DCHS2: variants seen among roughly 807,000 people sequenced by gnomAD.
DCHS2 encodes protocadherin-23.
DCHS2 carries 142 observed loss-of-function variants against 182.4 expected under a neutral mutation model. That is an observed-to-expected ratio of 0.78 (90% CI 0.68 to 0.89). The LOEUF is 0.89. DCHS2 is among the 40% of genes least tolerant of loss of function. The probability of loss-of-function intolerance (pLI) is 0.00; values close to 1 mark genes in which losing one functional copy is unlikely to be tolerated. For synonymous variants in DCHS2, 1,740 were observed against 1,663.3 expected (o/e 1.05, Z -1.12); for missense variants, 4,319 against 4,198.6 (o/e 1.03, Z -0.79).
chr4:154,472,906 A>G (rs1735533235), intron 1 of DCHS2, among the ~76,000 whole-genome samples: 1 of 152,176 alleles, frequency 6.6e-6, no homozygotes, highest in African/African-American at 2.4e-5. Context: ...AAATTTGAAA[A>G]TCATTCAACA....
chr4:154,412,624 A>C (rs529486396), intron 1 of DCHS2, among the ~76,000 whole-genome samples: 3 of 152,182 alleles, frequency 2.0e-5, no homozygotes, highest in Non-Finnish European at 4.4e-5. Context: ...AGCACTTTTG[A>C]AACAATCAAA....
In DCHS2 at chr4:154,298,262, G is replaced by A. The variant is rs200884644; in HGVS notation, c.6052C>T (p.Arg2018Ter). The change falls in exon 13 of 20, where the codon CGA becomes TGA. Residue 2018 changes from arginine (R) to a stop codon, truncating the protein, a stop_gained. Transcript: ENST00000357232. LOFTEE classifies it high-confidence loss of function. ...VARDCSIQGS[R>*]STTVIIKVYV... Reference sequence around the variant, plus strand: ...ACTTTTATAATTACAGTGGTGCTTCGTGAACCCTGGATGCTACAGTCTCTG... The same window carrying A: ...ACTTTTATAATTACAGTGGTGCTTCATGAACCCTGGATGCTACAGTCTCTG... 1.9e-5 allele frequency: 30 copies of A among 1,613,974 alleles called. No individual in the cohort carries two copies. The highest frequency in any genetic ancestry group is 2.7e-5 in the African/African-American group (2 of 74,892).
chr4:154,379,282 G>A (rs1731063013), intron 1 of DCHS2, among the ~76,000 whole-genome samples: 3 of 152,192 alleles, frequency 2.0e-5, no homozygotes, highest in South Asian at 4.1e-4. Context: ...AGGCATTCTG[G>A]CTTTTAACTT....
Position 154,233,540 on chromosome 4 carries a change from T to G in DCHS2, c.*996A>C, listed in dbSNP as rs907380631. 2 of 152,228 alleles carry G rather than the reference T, an allele frequency of 1.3e-5. No individual in the cohort carries two copies. The highest frequency in any genetic ancestry group is 4.8e-5 in the African/African-American group (2 of 41,462). 9.4% of individuals were successfully genotyped at this position (152,228 alleles called of 1,614,324 possible). On this transcript the variant is annotated 3_prime_UTR_variant, in exon 20 of 20. Transcript: ENST00000357232. ...TTGCTAAATTACTCTATGAGATTTATCATTAGCTAATGACATGATTTTTAT... is the reference window on the plus strand; with the variant it reads ...TTGCTAAATTACTCTATGAGATTTAGCATTAGCTAATGACATGATTTTTAT...
chr4:154,322,997 T>C lies in DCHS2; in HGVS notation c.4019-509A>G, dbSNP rs1478567186. ...ACCATCCCATAAATACTCTTTATTT[T>C]TCTTGTTTACATTAAGATCAAAATA... On this transcript the variant is annotated intron_variant, in intron 7 of 19. Transcript: ENST00000357232. 7 of 502,142 alleles carry C rather than the reference T, an allele frequency of 1.4e-5. No homozygotes were observed. The South Asian group carries it at 2.5e-4, about 18-fold the overall frequency. 31.1% of individuals were successfully genotyped at this position (502,142 alleles called of 1,614,324 possible). A position where few individuals can be genotyped will look rare whatever the true frequency, so the allele number is the denominator to read the frequency against.
chr4:154,284,414 G>A (rs1278841489), intron 13 of DCHS2: 2 of 152,186 alleles, frequency 1.3e-5, no homozygotes, highest in Non-Finnish European at 2.9e-5. Flanking sequence ...CACAAAAAAG[G>A]ACCTTCATAA....
chr4:154,445,046 T>A (rs1020499453), intron 1 of DCHS2, among the ~76,000 whole-genome samples: 1 of 152,230 alleles, frequency 6.6e-6, no homozygotes, highest in Non-Finnish European at 1.5e-5. Context: ...CAGGCCTTCC[T>A]GACCACCTTA....
rs1728813819 is a variant in DCHS2, at chr4:154,491,051, A to G, written c.305T>C (p.Phe102Ser). ...GGAGTCATCGGAGTCCTCCGACAGA[A>G]AGAAGCCGCTCCCCTCCTGCTGCTG... ...AAQQQEGSGF[F>S]LSEDSDDSPL... The change falls in exon 1 of 20, where the codon TTT becomes TCT. Residue 102 changes from phenylalanine (F) to serine (S), a missense_variant. Phe to Ser is a radical substitution (Grantham distance 155, BLOSUM62 -2). Transcript: ENST00000357232. 6.4e-7 allele frequency: 1 copy of G among 1,550,988 alleles called. No homozygotes were observed. Among genetic ancestry groups the G allele is most frequent in the Non-Finnish European group, 8.7e-7 (1 of 1,146,884 alleles).
intron 3 of DCHS2, among the ~76,000 whole-genome samples, chr4:154,342,429 G>A (rs1285600564): frequency 6.6e-6 from 1 of 152,156 alleles, no homozygotes; most frequent in African/African-American, 2.4e-5. Context: ...TCTGTAGCAT[G>A]CAATGCTATT....
Position 154,240,822 on chromosome 4 carries a change from A to G in DCHS2, c.7074T>C (p.Asp2358=). 1 of 1,613,348 alleles carries G rather than the reference A, an allele frequency of 6.2e-7. No individual in the cohort carries two copies. Reference sequence around the variant, plus strand: ...GAGTCACAATTACACCAGGCAAAGAATCTGAAATAGTCATGACCAGTGTCA... The same window carrying G: ...GAGTCACAATTACACCAGGCAAAGAGTCTGAAATAGTCATGACCAGTGTCA... The part of the protein sequence containing the change: ...LPSEAVEITE[D]SLPGVIVTHV... The change falls in exon 18 of 20, where the codon GAT becomes GAC. Residue 2358 remains aspartate (D), a splice_region_variant and synonymous_variant. Coordinates refer to ENST00000357232, the MANE Select transcript of DCHS2 (RefSeq NM_001358235.2).
chr4:154,249,656 C>A lies in DCHS2; in HGVS notation c.6941+5863G>T, dbSNP rs187170394. On this transcript the variant is annotated intron_variant, in intron 16 of 19. Transcript: ENST00000357232. Reference sequence around the variant, plus strand: ...CACGCTATTCACAATAGCAAAAAGGCAACCTAGGTGCCTGTTAATGGTGGA... The same window carrying A: ...CACGCTATTCACAATAGCAAAAAGGAAACCTAGGTGCCTGTTAATGGTGGA... Among the ~76,000 whole-genome samples the A allele has an allele frequency of 1.6e-3, 245 of 152,178 alleles. 2 individuals carry two copies. Among genetic ancestry groups the A allele is most frequent in the African/African-American group, 5.5e-3 (228 of 41,524 alleles).
intron 1 of DCHS2, among the ~76,000 whole-genome samples, chr4:154,403,071 T>C (rs534413514): frequency 6.6e-6 from 1 of 152,218 alleles, no homozygotes; most frequent in Non-Finnish European, 1.5e-5. Context: ...TTATTATAGA[T>C]TACTTAGGCT....
intron 10 of DCHS2, among the ~76,000 whole-genome samples, chr4:154,313,145 T>C (rs1357212162): frequency 6.6e-6 from 1 of 152,208 alleles, no homozygotes; most frequent in African/African-American, 2.4e-5. Flanking sequence ...TTTGACACCT[T>C]TGAGCGAATG....
At chr4:154,270,066 A>G in intron 13 of DCHS2, 53 bp from the exon 14 acceptor site, 1 of 1,548,254 alleles carries the variant, frequency 6.5e-7, no homozygotes, top group South Asian at 1.2e-5. Flanking sequence ...AATTTCATGG[A>G]AACACAAGAG....
intron 8 of DCHS2, among the ~76,000 whole-genome samples, chr4:154,321,837 AT>A (rs914439705): frequency 2.0e-5 from 3 of 152,068 alleles, no homozygotes; most frequent in African/African-American, 4.8e-5. Context: ...GGTTGGTGTA[AT>A]TTTTTTCTTA....
intron 13 of DCHS2, among the ~76,000 whole-genome samples, chr4:154,274,016 A>T (rs1374411792): frequency 6.6e-6 from 1 of 152,180 alleles, no homozygotes; most frequent in Non-Finnish European, 1.5e-5. Flanking sequence ...GGTGTCAGAG[A>T]TGAGTACAGA....
At chr4:154,279,007 TA>T (rs1561006813) in intron 13 of DCHS2, among the ~76,000 whole-genome samples, 1 of 152,128 alleles carries the variant, frequency 6.6e-6, no homozygotes, top group East Asian at 1.9e-4. Context: ...TTTATTCTGG[TA>T]TAGAATTTAA....
intron 13 of DCHS2, among the ~76,000 whole-genome samples, chr4:154,291,472 T>C (rs1030201578): frequency 2.0e-5 from 3 of 152,168 alleles, no homozygotes; most frequent in Non-Finnish European, 2.9e-5. Flanking sequence ...AGAAAATCAG[T>C]ACATTGAAGA....
chr4:154,242,845 T>A (rs1161038108), intron 16 of DCHS2, 73 bp from the exon 17 acceptor site: 4 of 1,497,116 alleles, frequency 2.7e-6, no homozygotes, highest in Non-Finnish European at 3.5e-6. Context: ...ATATCAAATA[T>A]CTAGTTGAAA....
Sources: allele counts gnomAD v4.1 joint callset (sites outside exome capture counted in the v4.1 genomes callset), GRCh38; gene constraint gnomAD v4.1.1; transcripts MANE v1.5; gene names NCBI Gene and HGNC (gene_info 2026-07-23, HGNC 2026-07-21).